The following RPA1 variants were observed in gnomAD, a reference collection of about 807,000 sequenced individuals.
RPA1 encodes replication protein A 70 kDa DNA-binding subunit.
Under a neutral mutation model 83.0 loss-of-function variants are expected in RPA1, and 49 were observed. The observed-to-expected ratio is 0.59, with a 90% CI of 0.47 to 0.75. RPA1 has a LOEUF of 0.75. Ranked by LOEUF, RPA1 falls within the 30% of genes least tolerant of loss-of-function variation. The probability of loss-of-function intolerance (pLI) is 0.00; values close to 1 mark genes in which losing one functional copy is unlikely to be tolerated. For synonymous variants in RPA1, 279 were observed against 281.8 expected (o/e 0.99, Z 0.10); for missense variants, 693 against 776.1 (o/e 0.89, Z 1.27).
chr17:1,830,074 G>A lies in RPA1; in HGVS notation c.-20G>A, dbSNP rs781250603. On this transcript the variant is annotated 5_prime_UTR_variant, in exon 1 of 17. Transcript: ENST00000254719. Reference sequence around the variant, plus strand: ...CTGGAGCTGTTGCGGGGTCCGCGGGGAAGTCTTGGCGGTGGAGCCATGGTC... The same window carrying A: ...CTGGAGCTGTTGCGGGGTCCGCGGGAAAGTCTTGGCGGTGGAGCCATGGTC... 3 of 1,249,702 alleles carry A rather than the reference G, an allele frequency of 2.4e-6. No homozygotes were observed. Among genetic ancestry groups the A allele is most frequent in the Non-Finnish European group, 3.0e-6 (3 of 988,362 alleles). 77.4% of individuals were successfully genotyped at this position (1,249,702 alleles called of 1,614,324 possible).
intron 12 of RPA1, among the ~76,000 whole-genome samples, chr17:1,882,661 T>A (rs1173253182): frequency 6.6e-6 from 1 of 152,108 alleles, no homozygotes; most frequent in African/African-American, 2.4e-5. Context: ...CAAGACTCTG[T>A]CTCAAAACAA....
At chr17:1,878,660 A>G (rs762646569) in intron 8 of RPA1, among the ~76,000 whole-genome samples, 6 of 152,150 alleles carry the variant, frequency 3.9e-5, no homozygotes, top group Non-Finnish European at 7.3e-5. Flanking sequence ...TCAGTATTCA[A>G]CTTTTTTTGT....
intron 1 of RPA1, chr17:1,830,613 G>A (rs1911511690): frequency 6.5e-6 from 1 of 153,794 alleles, no homozygotes; most frequent in Non-Finnish European, 1.4e-5. Flanking sequence ...AGCAGCGTTT[G>A]CGTTTAAGCC....
intron 1 of RPA1, among the ~76,000 whole-genome samples, chr17:1,841,864 TTGA>T (rs1248440811): frequency 2.6e-5 from 4 of 152,268 alleles, no homozygotes; most frequent in East Asian, 1.9e-4. Flanking sequence ...ATCTATTCAG[TTGA>T]TGATGATTTT....
intron 11 of RPA1, 54 bp from the exon 12 acceptor site, chr17:1,880,489 T>G (rs1913747215): frequency 1.3e-6 from 2 of 1,574,680 alleles, no homozygotes; most frequent in Non-Finnish European, 1.7e-6. Flanking sequence ...TATAAAAATC[T>G]TCTGTGTTCT....
chr17:1,896,076 C>T (rs939621183), intron 16 of RPA1, among the ~76,000 whole-genome samples: 3 of 152,170 alleles, frequency 2.0e-5, no homozygotes, highest in Non-Finnish European at 4.4e-5. Context: ...AGCCTAGTAA[C>T]CCTATATGTA....
intron 5 of RPA1, among the ~76,000 whole-genome samples, chr17:1,862,867 G>A (rs1223933872): frequency 1.3e-5 from 2 of 149,278 alleles, no homozygotes; most frequent in Non-Finnish European, 3.0e-5. Context: ...ACAAGTGCCC[G>A]CCACCACGCC....
intron 1 of RPA1, among the ~76,000 whole-genome samples, chr17:1,833,381 C>T (rs1266583977): frequency 6.6e-6 from 1 of 152,034 alleles, no homozygotes; most frequent in South Asian, 2.1e-4. Flanking sequence ...AAGAAAGGGA[C>T]AGGTGAATGG....
In RPA1 at chr17:1,875,662, T is replaced by C; in HGVS notation, c.456T>C (p.Gly152=). 6.2e-7 allele frequency: 1 copy of C among 1,611,498 alleles called. No individual in the cohort carries two copies. The highest frequency in any genetic ancestry group is 8.5e-7 in the Non-Finnish European group (1 of 1,179,196). ...TTTCGTTTGCGTTTGTTTTTAAAGG[T>C]TCTACTGTTTCTAAGGCTTATGGTG... ...PQPQNGSSGM[G]STVSKAYGAS... Residue 152 remains glycine, a splice_region_variant and synonymous_variant, in exon 7 of 17, where the codon GGT becomes GGC. Transcript: ENST00000254719.
intron 1 of RPA1, among the ~76,000 whole-genome samples, chr17:1,841,273 A>T (rs1362847491): frequency 6.6e-6 from 1 of 152,190 alleles, no homozygotes; most frequent in Non-Finnish European, 1.5e-5. Context: ...TTGTCTACAA[A>T]TAAAGGAAGT....
At chr17:1,885,812 A>T (rs1474158150) in intron 13 of RPA1, among the ~76,000 whole-genome samples, 2 of 152,232 alleles carry the variant, frequency 1.3e-5, no homozygotes, top group African/African-American at 4.8e-5. Flanking sequence ...GATCCATCAG[A>T]GGAATCACTG....
chr17:1,856,531 G>A (rs1329515680), intron 5 of RPA1, among the ~76,000 whole-genome samples: 1 of 152,060 alleles, frequency 6.6e-6, no homozygotes, highest in Non-Finnish European at 1.5e-5. Flanking sequence ...CCCGGGAGGC[G>A]AAGGTTGCAG....
At chr17:1,890,619 C>T (rs1300150443) in intron 14 of RPA1, among the ~76,000 whole-genome samples, 3 of 149,102 alleles carry the variant, frequency 2.0e-5, no homozygotes, top group South Asian at 2.1e-4. Flanking sequence ...GCCACGATCG[C>T]GCCACTGCAT....
At chr17:1,840,387 A>C (rs1366591070) in intron 1 of RPA1, among the ~76,000 whole-genome samples, 1 of 152,028 alleles carries the variant, frequency 6.6e-6, no homozygotes, top group Non-Finnish European at 1.5e-5. Context: ...CCCAGGTTCA[A>C]GCAATTCTCC....
chr17:1,877,616 C>T (rs1913621223), intron 8 of RPA1, among the ~76,000 whole-genome samples: 1 of 152,170 alleles, frequency 6.6e-6, no homozygotes, highest in Non-Finnish European at 1.5e-5. Flanking sequence ...GCGTTTGTAG[C>T]AGTAGAAAGT....
Position 1,879,337 on chromosome 17 carries a change from T to C in RPA1, c.882T>C (p.His294=). The C allele has an allele frequency of 6.2e-7, 1 of 1,614,174 alleles. No individual in the cohort carries two copies. The highest frequency in any genetic ancestry group is 1.3e-5 in the African/African-American group (1 of 75,036). ...TSVMPCEDDH[H]LPTVQFDFTG... ...TCATGCCCTGTGAGGACGACCATCA[T>C]TTACCTACGGTTCAGTTTGATTTCA... is the stretch of plus-strand genomic sequence containing the variant. The change falls in exon 10 of 17, where the codon CAT becomes CAC. Residue 294 remains histidine (H), a synonymous_variant. Coordinates refer to ENST00000254719, the MANE Select transcript of RPA1 (RefSeq NM_002945.5).
At chr17:1,839,379 G>T (rs1911952254) in intron 1 of RPA1, among the ~76,000 whole-genome samples, 2 of 151,914 alleles carry the variant, frequency 1.3e-5, no homozygotes, top group South Asian at 4.2e-4. Flanking sequence ...AGGCTGGAGT[G>T]CAGTGGTGAG....
rs376784428 is a variant in RPA1 at position 1,883,867 on chromosome 17, G to A, written c.1297G>A (p.Gly433Ser). 121 of 1,614,158 alleles carry A rather than the reference G, an allele frequency of 7.5e-5. No individual in the cohort carries two copies. Among genetic ancestry groups the A allele is most frequent in the African/African-American group, 4.0e-4 (30 of 75,040 alleles). The change falls in exon 13 of 17, where the codon GGC becomes AGC. Residue 433 changes from glycine (G) to serine (S), a missense_variant. Physicochemically the swap from Gly to Ser is moderately conservative, Grantham distance 56. Transcript: ENST00000254719. The stretch of plus-strand genomic sequence containing the variant: ...TGTTTCCATCTCTGATCTAAAGAGC[G>A]GCGGAGTCGGAGGGAGTAACACCAA... ...DGVSISDLKS[G>S]GVGGSNTNWK...
intron 5 of RPA1, among the ~76,000 whole-genome samples, chr17:1,863,917 AAAG>A (rs1221358884): frequency 2.0e-5 from 3 of 152,240 alleles, no homozygotes; most frequent in Admixed American, 6.5e-5. Context: ...AATTTATAGA[AAAG>A]AAATGTTCAG....
Sources: gnomAD v4.1 joint callset for allele counts (sites outside exome capture counted in the v4.1 genomes callset) on GRCh38, gnomAD v4.1.1 for gene constraint, MANE v1.5 for transcripts, NCBI Gene and HGNC (gene_info 2026-07-23, HGNC 2026-07-21) for gene names.